The following MYPN variants were observed in gnomAD, a reference collection of about 807,000 sequenced individuals.
MYPN encodes sarcomeric protein myopalladin, 145 kDa (MYOP).
In MYPN, 63 loss-of-function variants were observed where a neutral mutation model predicts 129.4. The ratio of observed to expected loss-of-function variants is 0.49; its 90% CI spans 0.40 to 0.60. The LOEUF is 0.60. MYPN is among the 20% of genes least tolerant of loss of function. The pLI is 0.00. For missense variants in MYPN, 1,596 were observed against 1,635.4 expected (o/e 0.98, Z 0.42); for synonymous variants, 629 against 600.9 (o/e 1.05, Z -0.68).
intron 10 of MYPN, among the ~76,000 whole-genome samples, chr10:68,169,813 C>T (rs2043117852): frequency 6.6e-6 from 1 of 151,832 alleles, no homozygotes; most frequent in Non-Finnish European, 1.5e-5. Context: ...GATCTCAGCT[C>T]ACTGCAACTT....
Position 68,145,408 on chromosome 10 carries a change from C to A in MYPN, c.1079-67C>A. ...AAGTATCATCTTAAAAATCTTATGTCGTGTTTAGGAACCAATTTAAGAAAT... is the reference window on the plus strand; with the variant it reads ...AAGTATCATCTTAAAAATCTTATGTAGTGTTTAGGAACCAATTTAAGAAAT... On this transcript the variant is annotated intron_variant, in intron 3 of 19. Transcript: ENST00000358913. The A allele has an allele frequency of 3.2e-6, 4 of 1,231,418 alleles. No individual in the cohort carries two copies. The South Asian group carries it at 3.6e-5, about 11-fold the overall frequency. 76.3% of individuals were successfully genotyped at this position (1,231,418 alleles called of 1,614,324 possible). A position where few individuals can be genotyped will look rare whatever the true frequency, so the allele number is the denominator to read the frequency against.
chr10:68,160,317 G>A (rs975923822), intron 7 of MYPN, among the ~76,000 whole-genome samples: 3 of 151,218 alleles, frequency 2.0e-5, no homozygotes, highest in African/African-American at 7.3e-5. Context: ...TGTAGTCCCA[G>A]CTACTCTGAA....
intron 12 of MYPN, among the ~76,000 whole-genome samples, chr10:68,178,321 C>T (rs964809431): frequency 3.3e-5 from 5 of 152,156 alleles, no homozygotes; most frequent in African/African-American, 1.2e-4. Context: ...GCATCATTTG[C>T]TATTTTGAAG....
chr10:68,180,196 T>C (rs1190025641), intron 12 of MYPN, among the ~76,000 whole-genome samples: 2 of 152,162 alleles, frequency 1.3e-5, no homozygotes, highest in Admixed American at 6.5e-5. Flanking sequence ...CTTCTAGTTA[T>C]GTTAACCTCC....
chr10:68,144,478 A>C (rs1313206945), intron 3 of MYPN, among the ~76,000 whole-genome samples: 1 of 152,190 alleles, frequency 6.6e-6, no homozygotes, highest in Non-Finnish European at 1.5e-5. Flanking sequence ...GAATAAATAC[A>C]TGAATAGAAA....
intron 2 of MYPN, among the ~76,000 whole-genome samples, chr10:68,133,031 T>A (rs2042433884): frequency 6.7e-6 from 1 of 148,554 alleles, no homozygotes; most frequent in Admixed American, 6.7e-5. Flanking sequence ...ATTTTTTTTT[T>A]TTTTTTTTTT....
Position 68,174,275 on chromosome 10 carries a change from C to A in MYPN, c.2183C>A (p.Pro728His), listed in dbSNP as rs570682390. 4.3e-6 allele frequency: 7 copies of A among 1,614,002 alleles called. No homozygotes were observed. The South Asian group carries it at 6.6e-5, about 15-fold the overall frequency. The part of the protein sequence containing the change: ...FSLARPKYFF[P>H]STNTTAATVA... ...TTGGCCCGGCCGAAGTATTTCTTCC[C>A]CTCCACGAACACCACCGCAGCAACT... Residue 728 changes from proline to histidine, a missense_variant, in exon 11 of 20, where the codon CCC becomes CAC. By Grantham distance (77) the Pro-to-His change is moderately conservative. Coordinates refer to ENST00000358913, the MANE Select transcript of MYPN (RefSeq NM_032578.4).
At chr10:68,119,389 A>ATTTG (rs1216654452) in intron 1 of MYPN, among the ~76,000 whole-genome samples, 2 of 52,314 alleles carry the variant, frequency 3.8e-5, no homozygotes, top group Admixed American at 1.5e-4. Flanking sequence ...ATTTTATTTT[A>ATTTG]TTTATTTATT....
At chr10:68,209,746 A>G (rs1223452692) in intron 19 of MYPN, among the ~76,000 whole-genome samples, 1 of 143,860 alleles carries the variant, frequency 7.0e-6, no homozygotes, top group African/African-American at 2.6e-5. Context: ...GTGAAGTGGC[A>G]TGCCTTGGTG....
intron 1 of MYPN, among the ~76,000 whole-genome samples, chr10:68,118,858 G>T (rs2042196015): frequency 6.8e-6 from 1 of 147,052 alleles, no homozygotes; most frequent in Non-Finnish European, 1.5e-5. Flanking sequence ...AAGAGAGAGA[G>T]AGGGAGGGAA....
intron 2 of MYPN, chr10:68,136,465 C>T: frequency 1.9e-6 from 2 of 1,054,378 alleles, no homozygotes; most frequent in Non-Finnish European, 2.5e-6. Context: ...GAGTATGGTT[C>T]CCCCTGACCC....
Position 68,148,567 on chromosome 10 carries a change from C to A in MYPN, c.1245+100C>A, listed in dbSNP as rs1348193546. ...GGCATGATCGTGTTTTTCTCAGGTGCAACTCCATCATCAGGATAATCACCT... is the reference window on the plus strand; with the variant it reads ...GGCATGATCGTGTTTTTCTCAGGTGAAACTCCATCATCAGGATAATCACCT... On this transcript the variant is annotated intron_variant, in intron 5 of 19. Transcript: ENST00000358913. 3 of 883,900 alleles carry A rather than the reference C, an allele frequency of 3.4e-6. No individual in the cohort carries two copies. The African/African-American group carries it at 4.9e-5, about 15-fold the overall frequency. 54.8% of individuals were successfully genotyped at this position (883,900 alleles called of 1,614,324 possible). A position where few individuals can be genotyped will look rare whatever the true frequency, so the allele number is the denominator to read the frequency against.
intron 6 of MYPN, among the ~76,000 whole-genome samples, chr10:68,156,854 C>G (rs2042883706): frequency 6.6e-6 from 1 of 152,212 alleles, no homozygotes; most frequent in South Asian, 2.1e-4. Flanking sequence ...TAATAGAAAT[C>G]CATGCAGCAT....
intron 8 of MYPN, 82 bp from the exon 9 acceptor site, chr10:68,165,620 G>T: frequency 9.7e-7 from 1 of 1,033,846 alleles, no homozygotes; most frequent in South Asian, 1.3e-5. Context: ...TGACTTTGTA[G>T]AATCATCATC....
chr10:68,209,671 C>CTTTTTTTTTTTTTTTT (rs35392300), intron 19 of MYPN, among the ~76,000 whole-genome samples: 45 of 131,194 alleles, frequency 3.4e-4, no homozygotes, highest in Non-Finnish European at 4.9e-4. Context: ...GAATTCTTTT[C>CTTTTTTTTTTTTTTTT]TTTTTTTTTT....
chr10:68,136,542 A>C, intron 2 of MYPN: 1 of 1,427,218 alleles, frequency 7.0e-7, no homozygotes, highest in South Asian at 1.6e-5. Context: ...TCCCTGCCTA[A>C]TTTCTAAGTG....
At chr10:68,124,551 C>T (rs891920782) in intron 2 of MYPN, among the ~76,000 whole-genome samples, 2 of 152,102 alleles carry the variant, frequency 1.3e-5, no homozygotes, top group Admixed American at 6.5e-5. Flanking sequence ...TTTTGCTTTT[C>T]AAAGGCGACA....
intron 12 of MYPN, among the ~76,000 whole-genome samples, chr10:68,178,288 C>T (rs1362127628): frequency 1.3e-5 from 2 of 152,136 alleles, no homozygotes; most frequent in Admixed American, 6.6e-5. Context: ...AGAAAGGTTT[C>T]CTTATTTCTA....
chr10:68,174,497 C>T lies in MYPN; in HGVS notation c.2405C>T (p.Pro802Leu). 1.9e-6 allele frequency: 3 copies of T among 1,614,028 alleles called. No homozygotes were observed. Among genetic ancestry groups the T allele is most frequent in the Non-Finnish European group, 8.5e-7 (1 of 1,179,946 alleles). Residue 802 changes from proline (P) to leucine (L), a missense_variant, in exon 11 of 20, where the codon CCC becomes CTC. By Grantham distance (98) the Pro-to-Leu change is moderately conservative. Coordinates refer to ENST00000358913, the MANE Select transcript of MYPN (RefSeq NM_032578.4). Reference sequence around the variant, plus strand: ...CCACCACCATTCACATTTTCCATCCCCAGCGGAAACCAGTTTCAGCCCCGC... The same window carrying T: ...CCACCACCATTCACATTTTCCATCCTCAGCGGAAACCAGTTTCAGCCCCGC... ...PTPPPFTFSI[P>L]SGNQFQPRCV... is the part of the protein sequence containing the mutation.
Sources: gnomAD v4.1 joint callset for allele counts (sites outside exome capture counted in the v4.1 genomes callset) on GRCh38, gnomAD v4.1.1 for gene constraint, MANE v1.5 for transcripts, NCBI Gene and HGNC (gene_info 2026-07-23, HGNC 2026-07-21) for gene names.